CRLF2: variants seen among roughly 807,000 people sequenced by gnomAD.
CRLF2 encodes cytokine receptor-like factor 2.
CRLF2 carries 41 observed loss-of-function variants against 38.7 expected under a neutral mutation model. The ratio of observed to expected loss-of-function variants is 1.06; its 90% CI spans 0.83 to 1.37. The LOEUF is 1.37. CRLF2 is among the 40% of genes most tolerant of loss of function. The pLI is 0.00. For missense variants in CRLF2, 377 were observed against 322.2 expected (o/e 1.17, Z -1.30); for synonymous variants, 140 against 128.8 (o/e 1.09, Z -0.59).
intron 4 of CRLF2, among the ~76,000 whole-genome samples, chrX:1,201,519 T>C (rs1411480743): frequency 1.0e-4 from 1 of 9,942 alleles, no homozygotes; most frequent in Non-Finnish European, 2.5e-4. Context: ...GATAGAGCGA[T>C]GAGAGAGAGA....
chrX:1,197,201 T>C (rs2086497217), intron 5 of CRLF2, among the ~76,000 whole-genome samples: 1 of 150,846 alleles, frequency 6.6e-6, no homozygotes, highest in Non-Finnish European at 1.5e-5. Context: ...CAAGCGATTC[T>C]CCTGTCTCAG....
chrX:1,192,467 T>A (rs2086401568), intron 7 of CRLF2, among the ~76,000 whole-genome samples: 1 of 150,986 alleles, frequency 6.6e-6, no homozygotes, highest in Admixed American at 6.6e-5. Flanking sequence ...ATACAAAAAA[T>A]TAGCCAGGTG....
chrX:1,206,404 G>T, intron 3 of CRLF2, 29 bp downstream of exon 3: 1 of 1,604,754 alleles, frequency 6.2e-7, no homozygotes, highest in East Asian at 2.2e-5. Context: ...GTACTGAAAA[G>T]CATGGTGAGC....
intron 4 of CRLF2, 55 bp downstream of exon 4, chrX:1,202,347 C>T (rs1376013624): frequency 1.3e-5 from 21 of 1,606,518 alleles, no homozygotes; most frequent in Middle Eastern, 1.8e-4. Context: ...TCCCACAGCC[C>T]GCACCTGGGG....
intron 6 of CRLF2, among the ~76,000 whole-genome samples, chrX:1,193,552 T>C (rs1185871712): frequency 2.0e-5 from 3 of 149,384 alleles, no homozygotes; most frequent in Non-Finnish European, 3.0e-5. Context: ...CTGAGGCGGA[T>C]GGATCACCTG....
At chrX:1,192,760 C>CTTTG in intron 7 of CRLF2, among the ~76,000 whole-genome samples, 1 of 113,338 alleles carries the variant, frequency 8.8e-6, no homozygotes, top group Non-Finnish European at 1.8e-5. Context: ...TTCTTTCTTT[C>CTTTG]TTTCTTTCCT....
At chrX:1,203,120 AAGGATCATTATAGATTCAGTTAGTT>A (rs1359053923) in intron 3 of CRLF2, among the ~76,000 whole-genome samples, 253 of 133,676 alleles carry the variant, frequency 1.9e-3, no homozygotes, top group African/African-American at 6.6e-3. Flanking sequence ...AAAAAAAAAA[AAGGATCATTATAGATTCAGTTAGTT>A]AGGATCATTA....
intron 2 of CRLF2, among the ~76,000 whole-genome samples, chrX:1,207,405 G>A (rs1482661397): frequency 2.6e-5 from 4 of 151,586 alleles, no homozygotes. Flanking sequence ...ACAGGCGCAC[G>A]CCCCCGCGCC....
intron 1 of CRLF2, among the ~76,000 whole-genome samples, chrX:1,209,249 G>T (rs1483175729): frequency 6.6e-6 from 1 of 151,556 alleles, no homozygotes; most frequent in Non-Finnish European, 1.5e-5. Flanking sequence ...TTACAGGCGT[G>T]AGCCACCGCG....
At chrX:1,206,371 C>A in intron 3 of CRLF2, 62 bp downstream of exon 3, 1 of 1,482,828 alleles carries the variant, frequency 6.7e-7, no homozygotes, top group Non-Finnish European at 9.4e-7. Flanking sequence ...GTTTTCAGTC[C>A]TTGTGGTAAT....
chrX:1,191,677 G>A (rs1167427681), intron 7 of CRLF2, among the ~76,000 whole-genome samples: 198 of 118,574 alleles, frequency 1.7e-3, no homozygotes, highest in African/African-American at 6.3e-3. Context: ...GATTACAGAC[G>A]TGCACCACCA....
intron 1 of CRLF2, among the ~76,000 whole-genome samples, chrX:1,211,257 G>GTGGATGGATGGATGGATGGATGGA (rs772836935): frequency 9.3e-6 from 1 of 107,694 alleles, no homozygotes; most frequent in Non-Finnish European, 1.9e-5. Flanking sequence ...GGATGGATGG[G>GTGGATGGATGGATGGATGGATGGA]TGGATGGATG....
chrX:1,208,992 G>A, intron 1 of CRLF2, 84 bp from the exon 2 acceptor site: 4 of 834,504 alleles, frequency 4.8e-6, no homozygotes, highest in Non-Finnish European at 7.7e-6. Flanking sequence ...TTTTGAGACA[G>A]AGTCTCACTC....
chrX:1,210,155 C>T (rs1200701668), intron 1 of CRLF2, among the ~76,000 whole-genome samples: 1 of 135,438 alleles, frequency 7.4e-6, no homozygotes. Flanking sequence ...AGAAATGGGC[C>T]AACCGTAAAG....
At chrX:1,210,900 A>G (rs2086785517) in intron 1 of CRLF2, among the ~76,000 whole-genome samples, 1 of 149,228 alleles carries the variant, frequency 6.7e-6, no homozygotes. Flanking sequence ...TGGATGAATA[A>G]ATGGATGAAC....
Position 1,212,592 on chromosome X carries a change from G to C in CRLF2, c.43C>G (p.Leu15Val). ...VLLWGAAVFL[L>V]GGWMALGQGG... ...TGCCCCAAAGCCATCCAGCCTCCCAGCAGAAAGACGGCAGCTCCCCACAGC... is the reference window on the plus strand; with the variant it reads ...TGCCCCAAAGCCATCCAGCCTCCCACCAGAAAGACGGCAGCTCCCCACAGC... The change falls in exon 1 of 8, where the codon CTG becomes GTG. Residue 15 changes from leucine (L) to valine (V), a missense_variant. Physicochemically the swap from Leu to Val is conservative, Grantham distance 32 (BLOSUM62 1). Coordinates refer to ENST00000400841, the MANE Select transcript of CRLF2 (RefSeq NM_022148.4). The C allele has an allele frequency of 6.2e-7, 1 of 1,612,726 alleles. No individual in the cohort carries two copies. Among genetic ancestry groups the C allele is most frequent in the Non-Finnish European group, 8.5e-7 (1 of 1,179,288 alleles).
intron 7 of CRLF2, among the ~76,000 whole-genome samples, chrX:1,192,332 A>G (rs1418934548): frequency 6.6e-6 from 1 of 151,906 alleles, no homozygotes; most frequent in Non-Finnish European, 1.5e-5. Flanking sequence ...ATCAACACAT[A>G]GGACACAAAA....
chrX:1,204,089 C>CAAAAAAAAAAA (rs754202731), intron 3 of CRLF2, among the ~76,000 whole-genome samples: 1 of 14,836 alleles, frequency 6.7e-5, no homozygotes, highest in African/African-American at 1.3e-4. Context: ...CCCTCTCTCT[C>CAAAAAAAAAAA]AAAAAAAAGA....
At chrX:1,206,059 C>T (rs2086685583) in intron 3 of CRLF2, among the ~76,000 whole-genome samples, 1 of 150,224 alleles carries the variant, frequency 6.7e-6, no homozygotes, top group African/African-American at 2.5e-5. Context: ...TCGGTACTTA[C>T]GGTAATCAGC....
Sources: gnomAD v4.1 joint callset for allele counts (sites outside exome capture counted in the v4.1 genomes callset) on GRCh38, gnomAD v4.1.1 for gene constraint, MANE v1.5 for transcripts, NCBI Gene and HGNC (gene_info 2026-07-23, HGNC 2026-07-21) for gene names.